PCDHB15: variants seen among roughly 807,000 people sequenced by gnomAD.
PCDHB15 encodes the protein protocadherin beta-15.
For missense variants in PCDHB15, 1,032 were observed against 991.7 expected (o/e 1.04, Z -0.55); for synonymous variants, 492 against 447.9 (o/e 1.10, Z -1.24).
chr5:141,246,040 G>T lies in PCDHB15; in HGVS notation c.462G>T (p.Leu154=). The T allele has an allele frequency of 6.2e-7, 1 of 1,614,114 alleles. No individual in the cohort carries two copies. The highest frequency in any genetic ancestry group is 8.5e-7 in the Non-Finnish European group (1 of 1,180,016). ...GCTCCCTTGGGACTGTGTTTCCTCT[G>T]AAAAAAGCTCGGGACTTGGACGTGG... is the stretch of plus-strand genomic sequence containing the variant. ...ETSSLGTVFP[L]KKARDLDVGS... Residue 154 remains leucine (L), a synonymous_variant, in exon 1 of 1, where the codon CTG becomes CTT. Coordinates refer to ENST00000231173, the MANE Select transcript of PCDHB15 (RefSeq NM_018935.4).
chr5:141,247,986 C>T lies in PCDHB15; in HGVS notation c.*44C>T. 1 of 1,515,736 alleles carries T rather than the reference C, an allele frequency of 6.6e-7. No individual in the cohort carries two copies. The highest frequency in any genetic ancestry group is 1.4e-5 in the African/African-American group (1 of 71,688). The allele number at this position is 1,515,736 out of a possible 1,614,324, so 93.9% of individuals were successfully genotyped here. ...TCCGACCGTCTGTTAATTTTGTCTTCCTCACTTTTCACCTTAGTTTTTTTT... is the reference window on the plus strand; with the variant it reads ...TCCGACCGTCTGTTAATTTTGTCTTTCTCACTTTTCACCTTAGTTTTTTTT... On this transcript the variant is annotated 3_prime_UTR_variant, in exon 1 of 1. Coordinates refer to ENST00000231173, the MANE Select transcript of PCDHB15 (RefSeq NM_018935.4).
In PCDHB15 at chr5:141,245,722, GGC is replaced by G. The variant is rs1755239586; in HGVS notation, c.145_146del (p.Ala49GlnfsTer2). 6.2e-7 allele frequency: 1 copy of G among 1,614,080 alleles called. No homozygotes were observed. On this transcript the variant is annotated frameshift_variant, in exon 1 of 1. Transcript: ENST00000231173. LOFTEE classifies it low-confidence loss of function (END_TRUNC). ...AGAGAGGTTCTTTTGTAGCCAACCT[GGC>G]CAATGACCTAGGGCTGGGAGTGGGG... ...TERGSFVANL[A>X]NDLGLGVGEL... is the part of the protein sequence containing the mutation.
rs148237600 is a variant in PCDHB15, at chr5:141,247,139, T to C, written c.1561T>C (p.Tyr521His). ...GHLFALQSLD[Y>H]EALQAFEFRV... ...CCTGTTCGCTCTCCAGTCGCTGGACTACGAGGCCCTGCAGGCTTTCGAGTT... is the reference window on the plus strand; with the variant it reads ...CCTGTTCGCTCTCCAGTCGCTGGACCACGAGGCCCTGCAGGCTTTCGAGTT... Residue 521 changes from tyrosine to histidine, a missense_variant, in exon 1 of 1, where the codon TAC (tyrosine) becomes CAC (histidine). Tyr to His is a moderately conservative substitution (Grantham distance 83). Transcript: ENST00000231173. 5,008 of 1,613,850 alleles carry C rather than the reference T, an allele frequency of 3.1e-3. 14 individuals are homozygous for C. The highest frequency in any genetic ancestry group is 4.1e-3 in the Non-Finnish European group (4,797 of 1,179,892).
At position 141,246,281 on chromosome 5, in the gene PCDHB15, G is replaced by A. The variant is rs1554291881; in HGVS notation, c.703G>A (p.Ala235Thr). The A allele has an allele frequency of 1.9e-6, 3 of 1,613,950 alleles. No homozygotes were observed. The highest frequency in any genetic ancestry group is 1.3e-5 in the African/African-American group (1 of 74,894). The change falls in exon 1 of 1, where the codon GCC (alanine) becomes ACC (threonine). Residue 235 changes from alanine (A) to threonine (T), a missense_variant. Physicochemically the swap from Ala to Thr is moderately conservative, Grantham distance 58. Coordinates refer to ENST00000231173, the MANE Select transcript of PCDHB15 (RefSeq NM_018935.4). ...CCAGATCCTCATCTTGGTCTTGGAC[G>A]CCAATGACAATGCCCCGGAGTTTGT... ...TVQILILVLD[A>T]NDNAPEFVQA...
chr5:141,246,963 A>C lies in PCDHB15; in HGVS notation c.1385A>C (p.Glu462Ala). 1 of 1,613,286 alleles carries C rather than the reference A, an allele frequency of 6.2e-7. No homozygotes were observed. The highest frequency in any genetic ancestry group is 2.2e-5 in the East Asian group (1 of 44,852). ...TQTSYTLFVRENNSPALHIGS... is the reference protein window; with the variant it reads ...TQTSYTLFVRANNSPALHIGS... The stretch of plus-strand genomic sequence containing the variant: ...ACCTCCTACACCCTGTTCGTCCGCG[A>C]GAACAACAGCCCCGCCCTGCACATC... Residue 462 changes from glutamate to alanine, a missense_variant, in exon 1 of 1, where the codon GAG (glutamate) becomes GCG (alanine). Transcript: ENST00000231173.
At position 141,247,570 on chromosome 5, in the gene PCDHB15, C is replaced by G. The variant is rs782651985; in HGVS notation, c.1992C>G (p.Asp664Glu). Reference protein sequence around the residue: ...ATATLQVLLVDGFSQPYLPLP... With the variant: ...ATATLQVLLVEGFSQPYLPLP... ...CCACGCTGCAAGTGCTCCTGGTGGA[C>G]GGCTTCTCTCAGCCCTACCTGCCGC... Residue 664 changes from aspartate (D) to glutamate (E), a missense_variant, in exon 1 of 1, where the codon GAC becomes GAG. Physicochemically the swap from Asp to Glu is conservative, Grantham distance 45 (BLOSUM62 2). Transcript: ENST00000231173. 3 of 1,609,410 alleles carry G rather than the reference C, an allele frequency of 1.9e-6. No individual in the cohort carries two copies. Among genetic ancestry groups the G allele is most frequent in the East Asian group, 4.5e-5 (2 of 44,874 alleles).
Position 141,246,129 on chromosome 5 carries a change from C to T in PCDHB15, c.551C>T (p.Thr184Ile). 1 of 1,614,202 alleles carries T rather than the reference C, an allele frequency of 6.2e-7. No individual in the cohort carries two copies. The highest frequency in any genetic ancestry group is 8.5e-7 in the Non-Finnish European group (1 of 1,180,030). ...TCTCATTTCCATGTTTCCACTCGCA[C>T]CCGAGGGGATGGCAGGAAATACCCA... ...PNSHFHVSTR[T>I]RGDGRKYPEL... The change falls in exon 1 of 1, where the codon ACC becomes ATC. Residue 184 changes from threonine to isoleucine, a missense_variant. Transcript: ENST00000231173.
In PCDHB15 at chr5:141,247,131, C is replaced by T. The variant is rs781966263; in HGVS notation, c.1553C>T (p.Ser518Leu). Residue 518 changes from serine to leucine, a missense_variant, in exon 1 of 1, where the codon TCG becomes TTG. Coordinates refer to ENST00000231173, the MANE Select transcript of PCDHB15 (RefSeq NM_018935.4). The part of the protein sequence containing the change: ...TDNGHLFALQ[S>L]LDYEALQAFE... ...AACGGCCACCTGTTCGCTCTCCAGT[C>T]GCTGGACTACGAGGCCCTGCAGGCT... is the stretch of plus-strand genomic sequence containing the variant. 1.2e-6 allele frequency: 2 copies of T among 1,613,922 alleles called. No homozygotes were observed. The highest frequency in any genetic ancestry group is 1.7e-6 in the Non-Finnish European group (2 of 1,179,910).
In PCDHB15 at chr5:141,247,555, A is replaced by G; in HGVS notation, c.1977A>G (p.Gln659=). 1 of 1,609,220 alleles carries G rather than the reference A, an allele frequency of 6.2e-7. No individual in the cohort carries two copies. Among genetic ancestry groups the G allele is most frequent in the Non-Finnish European group, 8.5e-7 (1 of 1,179,748 alleles). ...EPPRSATATL[Q]VLLVDGFSQP... is the part of the protein sequence containing the mutation. ...CGCGCTCGGCCACCGCCACGCTGCA[A>G]GTGCTCCTGGTGGACGGCTTCTCTC... The change falls in exon 1 of 1, where the codon CAA becomes CAG. Residue 659 remains glutamine (Q), a synonymous_variant. Coordinates refer to ENST00000231173, the MANE Select transcript of PCDHB15 (RefSeq NM_018935.4).
Position 141,246,555 on chromosome 5 carries a change from G to T in PCDHB15, c.977G>T (p.Gly326Val), listed in dbSNP as rs148041331. The T allele has an allele frequency of 3.1e-6, 5 of 1,614,122 alleles. No homozygotes were observed. Among genetic ancestry groups the T allele is most frequent in the Non-Finnish European group, 3.4e-6 (4 of 1,180,020 alleles). Residue 326 changes from glycine (G) to valine (V), a missense_variant, in exon 1 of 1, where the codon GGA becomes GTA. By Grantham distance (109) the Gly-to-Val change is moderately radical. Coordinates refer to ENST00000231173, the MANE Select transcript of PCDHB15 (RefSeq NM_018935.4). ...DLDIEASDGGGLSGKCSVSVK... is the reference protein window; with the variant it reads ...DLDIEASDGGVLSGKCSVSVK... The stretch of plus-strand genomic sequence containing the variant: ...GATATAGAGGCATCTGATGGCGGGG[G>T]ACTTTCTGGAAAATGCTCTGTCTCT...
chr5:141,245,920 G>A lies in PCDHB15; in HGVS notation c.342G>A (p.Leu114=), dbSNP rs1053675854. 1.2e-6 allele frequency: 2 copies of A among 1,613,994 alleles called. No homozygotes were observed. Among genetic ancestry groups the A allele is most frequent in the Admixed American group, 1.7e-5 (1 of 60,006 alleles). ...MHFQVLLKKP[L]EVFRAELLVT... The stretch of plus-strand genomic sequence containing the variant: ...TCCAAGTGTTACTGAAAAAACCTTT[G>A]GAAGTATTTCGAGCTGAACTACTAG... Residue 114 remains leucine (L), a synonymous_variant, in exon 1 of 1, where the codon TTG becomes TTA. Transcript: ENST00000231173.
chr5:141,248,092 G>A lies in PCDHB15; in HGVS notation c.*150G>A. 1 of 626,586 alleles carries A rather than the reference G, an allele frequency of 1.6e-6. No homozygotes were observed. The highest frequency in any genetic ancestry group is 2.5e-6 in the Non-Finnish European group (1 of 400,610). The allele number at this position is 626,586 out of a possible 1,614,324, so 38.8% of individuals were successfully genotyped here. The stretch of plus-strand genomic sequence containing the variant: ...GTAATGTTACTCATTTCCTTTGTCT[G>A]ATTGTTAGTTTTCAAATTATTGTAT... On this transcript the variant is annotated 3_prime_UTR_variant, in exon 1 of 1. Transcript: ENST00000231173.
chr5:141,245,464 C>A lies in PCDHB15; in HGVS notation c.-115C>A. 1 of 854,932 alleles carries A rather than the reference C, an allele frequency of 1.2e-6. No individual in the cohort carries two copies. Among genetic ancestry groups the A allele is most frequent in the Non-Finnish European group, 1.8e-6 (1 of 554,062 alleles). The allele number at this position is 854,932 out of a possible 1,614,324, so 53.0% of individuals were successfully genotyped here. ...ACCAGTGTCTCCGGAGAATGCTATTCTCCTACATTTCCGAACAGGTTATCA... is the reference window on the plus strand; with the variant it reads ...ACCAGTGTCTCCGGAGAATGCTATTATCCTACATTTCCGAACAGGTTATCA... On this transcript the variant is annotated 5_prime_UTR_variant, in exon 1 of 1. Coordinates refer to ENST00000231173, the MANE Select transcript of PCDHB15 (RefSeq NM_018935.4).
rs1755343153 is a variant in PCDHB15, at chr5:141,249,100, A to C, written c.*1158A>C. The C allele has an allele frequency of 6.6e-6, 1 of 152,180 alleles. No individual in the cohort carries two copies. The highest frequency in any genetic ancestry group is 6.5e-5 in the Admixed American group (1 of 15,278). The allele number at this position is 152,180 out of a possible 1,614,324, so 9.4% of individuals were successfully genotyped here. ...AAGAAATTAAGGTTCAAACAGAATT[A>C]AGGTTGCCAATCAGCTAAACTTAAA... On this transcript the variant is annotated 3_prime_UTR_variant, in exon 1 of 1. Coordinates refer to ENST00000231173, the MANE Select transcript of PCDHB15 (RefSeq NM_018935.4).
Position 141,245,824 on chromosome 5 carries a change from G to A in PCDHB15, c.246G>A (p.Gly82=). 1 of 1,614,212 alleles carries A rather than the reference G, an allele frequency of 6.2e-7. No homozygotes were observed. Among genetic ancestry groups the A allele is most frequent in the South Asian group, 1.1e-5 (1 of 91,074 alleles). The change falls in exon 1 of 1, where the codon GGG becomes GGA. Residue 82 remains glycine, a synonymous_variant. Coordinates refer to ENST00000231173, the MANE Select transcript of PCDHB15 (RefSeq NM_018935.4). The part of the protein sequence containing the change: ...EQGLQLDLQT[G]QLILNEKLDR... ...GCTTGCAGCTTGATCTGCAGACCGG[G>A]CAGTTGATATTAAATGAGAAGCTGG... is the stretch of plus-strand genomic sequence containing the variant.
Position 141,249,119 on chromosome 5 carries a change from A to T in PCDHB15, c.*1177A>T, listed in dbSNP as rs1554292495. 1 of 152,164 alleles carries T rather than the reference A, an allele frequency of 6.6e-6. No individual in the cohort carries two copies. The highest frequency in any genetic ancestry group is 6.5e-5 in the Admixed American group (1 of 15,268). 9.4% of individuals were successfully genotyped at this position (152,164 alleles called of 1,614,324 possible). On this transcript the variant is annotated 3_prime_UTR_variant, in exon 1 of 1. Coordinates refer to ENST00000231173, the MANE Select transcript of PCDHB15 (RefSeq NM_018935.4). ...AGAATTAAGGTTGCCAATCAGCTAAACTTAAAATAGGGAGACTCTCCTAGA... is the reference window on the plus strand; with the variant it reads ...AGAATTAAGGTTGCCAATCAGCTAATCTTAAAATAGGGAGACTCTCCTAGA...
At position 141,247,439 on chromosome 5, in the gene PCDHB15, A is replaced by G. The variant is rs1463541697; in HGVS notation, c.1861A>G (p.Asn621Asp). 6.2e-7 allele frequency: 1 copy of G among 1,606,874 alleles called. No homozygotes were observed. Among genetic ancestry groups the G allele is most frequent in the Non-Finnish European group, 8.5e-7 (1 of 1,179,592 alleles). ...CGGGCTGTTCGGCGTGTGGGCGCAC[A>G]ATGGCGAGGTGCGCACCGCCAGGCT... ...EPGLFGVWAH[N>D]GEVRTARLLS... is the part of the protein sequence containing the mutation. The change falls in exon 1 of 1, where the codon AAT becomes GAT. Residue 621 changes from asparagine (N) to aspartate (D), a missense_variant. Physicochemically the swap from Asn to Asp is conservative, Grantham distance 23 (BLOSUM62 1). Transcript: ENST00000231173.
In PCDHB15 at chr5:141,246,925, C is replaced by G. The variant is rs782729594; in HGVS notation, c.1347C>G (p.Pro449=). ...TGTCGGACGTCAATGACAACGCCCC[C>G]GCCTTCACCCAAACCTCCTACACCC... ...VLVSDVNDNA[P]AFTQTSYTLF... The change falls in exon 1 of 1, where the codon CCC becomes CCG. Residue 449 remains proline, a synonymous_variant. Transcript: ENST00000231173. 3 of 1,613,568 alleles carry G rather than the reference C, an allele frequency of 1.9e-6. No individual in the cohort carries two copies. The highest frequency in any genetic ancestry group is 2.5e-6 in the Non-Finnish European group (3 of 1,180,032).
rs782738506 is a variant in PCDHB15 at position 141,247,867 on chromosome 5, T to C, written c.2289T>C (p.Asp763=). 5 of 1,614,062 alleles carry C rather than the reference T, an allele frequency of 3.1e-6. No homozygotes were observed. Among genetic ancestry groups the C allele is most frequent in the Admixed American group, 1.7e-5 (1 of 60,000 alleles). ...TGACGGGAGGCTCTGAAAGTAATGA[T>C]TTCAAGTTCTTGAAGCCTATATTCC... ...VCLTGGSESN[D]FKFLKPIFPN... is the part of the protein sequence containing the mutation. Residue 763 remains aspartate (D), a synonymous_variant, in exon 1 of 1, where the codon GAT becomes GAC. Coordinates refer to ENST00000231173, the MANE Select transcript of PCDHB15 (RefSeq NM_018935.4).
Sources: gnomAD v4.1 joint callset for allele counts on GRCh38, gnomAD v4.1.1 for gene constraint, MANE v1.5 for transcripts, NCBI Gene and HGNC (gene_info 2026-07-23, HGNC 2026-07-21) for gene names.